KAZN: variants seen among roughly 807,000 people sequenced by gnomAD.
KAZN encodes kazrin.
KAZN carries 40 observed loss-of-function variants against 87.4 expected under a neutral mutation model. The ratio of observed to expected loss-of-function variants is 0.46; its 90% CI spans 0.36 to 0.60. The LOEUF (loss-of-function observed/expected upper bound fraction) is 0.60. Among genes scored for constraint, KAZN ranks in the 20% least tolerant of loss-of-function variants. The pLI is 0.00. For synonymous variants in KAZN, 466 were observed against 458.3 expected, an observed-to-expected ratio of 1.02 and a Z score of -0.22; for missense variants, 898 against 1,073.9, an observed-to-expected ratio of 0.84 and a Z score of 2.29.
At chr1:14,792,857 T>C (rs1645717312) in intron 1 of KAZN, among the ~76,000 whole-genome samples, 1 of 151,468 alleles carries the variant, frequency 6.6e-6, no homozygotes, top group Non-Finnish European at 1.5e-5. Context: ...GTGCCTATAG[T>C]CCCAGCTACT....
At position 14,599,238 on chromosome 1, in the gene KAZN, G is replaced by A; in HGVS notation, c.226+15G>A. On this transcript the variant is annotated intron_variant, in intron 1 of 14. Coordinates refer to ENST00000376030, the MANE Select transcript of KAZN (RefSeq NM_201628.3). The surrounding 1 kb of genome is among the most constrained non-coding windows in gnomAD (Gnocchi z 4.4). ...TGGAGCGCAAGGTAGGATCGCCCCG[G>A]CGCCCAGGGCGGAGGAAGGCGAGCA... 2 of 1,358,052 alleles carry A rather than the reference G, an allele frequency of 1.5e-6. No individual in the cohort carries two copies. Among genetic ancestry groups the A allele is most frequent in the South Asian group, 4.3e-5 (2 of 46,730 alleles). 84.1% of individuals were successfully genotyped at this position (1,358,052 alleles called of 1,614,324 possible). A position where few individuals can be genotyped will look rare whatever the true frequency, so the allele number is the denominator to read the frequency against.
At chr1:14,304,185 C>T (rs966942359) in intron 2 of KAZN, among the ~76,000 whole-genome samples, 1 of 152,184 alleles carries the variant, frequency 6.6e-6, no homozygotes, top group African/African-American at 2.4e-5. Context: ...GAATGACATT[C>T]TTCAGTTCAG....
chr1:14,824,574 C>T lies in KAZN; in HGVS notation c.227-136110C>T, dbSNP rs188668888. On this transcript the variant is annotated intron_variant, in intron 1 of 14. Coordinates refer to ENST00000376030, the MANE Select transcript of KAZN (RefSeq NM_201628.3). ...GAGCGACGCTTGCATCTTGACTGTC[C>T]TTGCTGCTCAGAGATTTATCTGAGG... 1.3e-3 allele frequency among the ~76,000 whole-genome samples: 191 copies of T among 152,268 alleles called. 1 individual carries two copies. The highest frequency in any genetic ancestry group is 1.8e-3 in the Non-Finnish European group (125 of 68,024).
chr1:14,577,792 C>G (rs539670928), intron 2 of KAZN, among the ~76,000 whole-genome samples: 1 of 152,334 alleles, frequency 6.6e-6, no homozygotes, highest in Non-Finnish European at 1.5e-5. Context: ...TCCAGCAACA[C>G]TTTGAATTTC....
At chr1:14,327,299 C>G (rs1656505008) in intron 2 of KAZN, among the ~76,000 whole-genome samples, 1 of 152,166 alleles carries the variant, frequency 6.6e-6, no homozygotes, top group African/African-American at 2.4e-5. Context: ...TTATAGCCAG[C>G]AGGTTGGAAA....
At chr1:14,683,270 G>A (rs556753075) in intron 1 of KAZN, among the ~76,000 whole-genome samples, 8 of 152,316 alleles carry the variant, frequency 5.3e-5, no homozygotes, top group South Asian at 4.1e-4. Flanking sequence ...AATAAAGGTC[G>A]TAATTAAAAC....
chr1:14,606,574 T>C, intron 1 of KAZN, among the ~76,000 whole-genome samples: 1 of 152,146 alleles, frequency 6.6e-6, no homozygotes, highest in Non-Finnish European at 1.5e-5. Flanking sequence ...GCCAGAGTCT[T>C]GTGGCAGCCT....
chr1:14,930,321 C>A (rs1318236968), intron 1 of KAZN, among the ~76,000 whole-genome samples: 1 of 152,194 alleles, frequency 6.6e-6, no homozygotes. Flanking sequence ...GTGTTCACTA[C>A]CTTTTAATTG....
At chr1:15,101,431 C>A in intron 10 of KAZN, 112 bp from the exon 11 acceptor site, 1 of 717,844 alleles carries the variant, frequency 1.4e-6, no homozygotes, top group Non-Finnish European at 2.4e-6. Flanking sequence ...TCTTGGTCCT[C>A]CCCCAACCCC....
At chr1:13,909,266 C>T (rs895416654) in intron 1 of KAZN, among the ~76,000 whole-genome samples, 1 of 152,170 alleles carries the variant, frequency 6.6e-6, no homozygotes, top group Admixed American at 6.5e-5. Flanking sequence ...CAGATAACAT[C>T]GGGGGTGATT....
rs190126662 is a variant in KAZN at position 15,051,101 on chromosome 1, A to G, written c.727-4990A>G. On this transcript the variant is annotated intron_variant, in intron 4 of 14. Coordinates refer to ENST00000376030, the MANE Select transcript of KAZN (RefSeq NM_201628.3). ...TCCGCACAGGAGCACCAGCCTTCCG[A>G]TGTCTGCTCAGAGGCTCCTGCCTCG... Among the ~76,000 whole-genome samples, 436 of 152,340 alleles carry G rather than the reference A, an allele frequency of 2.9e-3. 3 individuals are homozygous for G. In the South Asian group the frequency reaches 0.042, roughly 15 times the overall value.
chr1:14,318,111 T>C (rs1245506068), intron 2 of KAZN, among the ~76,000 whole-genome samples: 4 of 152,052 alleles, frequency 2.6e-5, no homozygotes, highest in Non-Finnish European at 5.9e-5. Flanking sequence ...TAAACAGGTA[T>C]TTATCTTTTA....
intron 1 of KAZN, among the ~76,000 whole-genome samples, chr1:13,953,845 C>A (rs1641444462): frequency 6.6e-6 from 1 of 152,154 alleles, no homozygotes; most frequent in African/African-American, 2.4e-5. Context: ...TCTCAAAAGA[C>A]AAAATTCCAA....
intron 1 of KAZN, among the ~76,000 whole-genome samples, chr1:14,056,974 G>C (rs373894956): frequency 6.7e-6 from 1 of 150,286 alleles, no homozygotes; most frequent in African/African-American, 2.5e-5. Context: ...AGCCCAGGAG[G>C]CAGAGGTTGC....
intron 1 of KAZN, among the ~76,000 whole-genome samples, chr1:13,948,876 A>G (rs774837439): frequency 2.9e-4 from 44 of 152,144 alleles, no homozygotes; most frequent in African/African-American, 6.8e-4. Flanking sequence ...TGTTACAGAC[A>G]TGAAAATGGA....
chr1:14,371,878 GC>G (rs779631332), intron 2 of KAZN, among the ~76,000 whole-genome samples: 1 of 152,184 alleles, frequency 6.6e-6, no homozygotes, highest in Non-Finnish European at 1.5e-5. Flanking sequence ...TTTCACAATG[GC>G]GGTGAGCCTG....
intron 1 of KAZN, among the ~76,000 whole-genome samples, chr1:14,108,080 G>A (rs1288507237): frequency 5.3e-5 from 8 of 151,990 alleles, no homozygotes; most frequent in African/African-American, 1.4e-4. Context: ...CATTCTAGCC[G>A]TACTGGACCA....
chr1:15,110,271 ATGTG>A (rs1282054018), intron 13 of KAZN, among the ~76,000 whole-genome samples: 3 of 148,016 alleles, frequency 2.0e-5, no homozygotes, highest in South Asian at 2.1e-4. Context: ...GTGTGTGTAT[ATGTG>A]TGTATGTTTG....
intron 1 of KAZN, among the ~76,000 whole-genome samples, chr1:14,710,712 C>T (rs1381386036): frequency 1.3e-5 from 2 of 152,170 alleles, no homozygotes; most frequent in South Asian, 2.1e-4. Flanking sequence ...TCTCCCTTTC[C>T]CTGCTTCATT....
Sources: gnomAD v4.1 joint callset for allele counts (sites outside exome capture counted in the v4.1 genomes callset) on GRCh38, gnomAD v4.1.1 for gene constraint, Gnocchi (gnomAD v3.1) non-coding constraint, MANE v1.5 for transcripts, NCBI Gene and HGNC (gene_info 2026-07-23, HGNC 2026-07-21) for gene names.